The following TANC1 variants were observed in gnomAD, a reference collection of about 807,000 sequenced individuals.
The protein encoded by TANC1 is tetratricopeptide repeat, ankyrin repeat and coiled-coil containing 1.
A neutral mutation model predicts 149.7 loss-of-function variants in TANC1; 77 were observed. That is an observed-to-expected ratio of 0.51 (90% CI 0.43 to 0.62). The LOEUF (loss-of-function observed/expected upper bound fraction) is 0.62, where lower values mean the gene tolerates loss of function less well. Ranked by LOEUF, TANC1 falls within the 20% of genes least tolerant of loss-of-function variation. The pLI is 0.00. For synonymous variants in TANC1, 854 were observed against 925.0 expected (o/e 0.92, Z 1.39); for missense variants, 1,985 against 2,321.8 (o/e 0.85, Z 2.98).
At position 159,108,471 on chromosome 2, in the gene TANC1, T is replaced by C. The variant is rs186665851; in HGVS notation, c.259+10637T>C. On this transcript the variant is annotated intron_variant, in intron 4 of 26. Transcript: ENST00000263635. ...ACAAACCCAGTACCATGCTCAGAAA[T>C]GAATGTTTTCACCTCAGAGAAAATA... 2.0e-3 allele frequency among the ~76,000 whole-genome samples: 306 copies of C among 152,274 alleles called. 1 individual carries two copies. The highest frequency in any genetic ancestry group is 6.9e-3 in the African/African-American group (285 of 41,552).
At chr2:159,025,147 T>C (rs1204052524) in intron 2 of TANC1, among the ~76,000 whole-genome samples, 1 of 151,792 alleles carries the variant, frequency 6.6e-6, no homozygotes, top group East Asian at 1.9e-4. Context: ...TCTTTTTCTT[T>C]CTTTCTCTTT....
At chr2:159,207,719 A>C (rs908157355) in intron 19 of TANC1, among the ~76,000 whole-genome samples, 2 of 149,604 alleles carry the variant, frequency 1.3e-5, no homozygotes, top group Non-Finnish European at 3.0e-5. Context: ...AAAAAAAAAA[A>C]AAAAAAAACA....
At chr2:158,972,020 C>T (rs547546665) in intron 1 of TANC1, among the ~76,000 whole-genome samples, 9 of 152,092 alleles carry the variant, frequency 5.9e-5, no homozygotes, top group Non-Finnish European at 1.3e-4. Flanking sequence ...TTTCAGAACC[C>T]CAGGGTTAAC....
intron 19 of TANC1, among the ~76,000 whole-genome samples, chr2:159,208,811 A>C (rs181567115): frequency 1.3e-5 from 2 of 152,214 alleles, no homozygotes; most frequent in African/African-American, 4.8e-5. Context: ...TGAGAGATGC[A>C]TCCTTAGGCG....
At position 158,983,468 on chromosome 2, in the gene TANC1, C is replaced by CAAAAAAAAAAAAAAAA. The variant is rs35472970; in HGVS notation, c.-126+14690_-126+14705dup. On this transcript the variant is annotated intron_variant, in intron 1 of 26. Transcript: ENST00000263635. ...GGAGACAGAGCAAGACTCCGTCTCC[C>CAAAAAAAAAAAAAAAA]AAAAAAAAAAAAAAAAAAACACCAA... 1.6e-3 allele frequency among the ~76,000 whole-genome samples: 146 copies of CAAAAAAAAAAAAAAAA among 88,754 alleles called. 3 individuals carry two copies. Among genetic ancestry groups the CAAAAAAAAAAAAAAAA allele is most frequent in the Admixed American group, 9.9e-3 (72 of 7,244 alleles). The allele number at this position is 88,754 out of a possible 152,430, so 58.2% of individuals were successfully genotyped here.
intron 3 of TANC1, among the ~76,000 whole-genome samples, chr2:159,093,244 G>A (rs1225555913): frequency 1.3e-5 from 2 of 152,208 alleles, no homozygotes; most frequent in African/African-American, 4.8e-5. Context: ...TAATCAAGGT[G>A]GGGAATAAAA....
chr2:159,172,167 G>C lies in TANC1; in HGVS notation c.1398G>C (p.Pro466=), dbSNP rs201430733. 9.9e-6 allele frequency: 16 copies of C among 1,614,134 alleles called. No individual in the cohort carries two copies. In the African/African-American group the frequency reaches 2.0e-4, roughly 20 times the overall value. Residue 466 remains proline (P), a synonymous_variant, in exon 11 of 27, where the codon CCG becomes CCC. Transcript: ENST00000263635. ...TTCATTTCACTCCGTTGCTTTCACC[G>C]AGTTCTTCCACAAGTGCTTCCAGCA... ...QDLHFTPLLS[P]SSSTSASSTA...
intron 2 of TANC1, among the ~76,000 whole-genome samples, chr2:159,033,772 A>G (rs2039967873): frequency 6.6e-6 from 1 of 152,192 alleles, no homozygotes; most frequent in Non-Finnish European, 1.5e-5. Flanking sequence ...CCTCTGTCAC[A>G]TCTGAAAACA....
chr2:158,997,953 A>T (rs946531346), intron 1 of TANC1, among the ~76,000 whole-genome samples: 6 of 152,202 alleles, frequency 3.9e-5, no homozygotes, highest in Admixed American at 3.9e-4. Flanking sequence ...ACCTGCCAGC[A>T]CTACCTTGAC....
chr2:158,973,945 C>T (rs961941007), intron 1 of TANC1, among the ~76,000 whole-genome samples: 1 of 152,146 alleles, frequency 6.6e-6, no homozygotes, highest in Non-Finnish European at 1.5e-5. Context: ...TTACACTCCC[C>T]TCTCTCTGCC....
chr2:159,119,923 G>A (rs1446431228), intron 4 of TANC1, among the ~76,000 whole-genome samples: 1 of 152,216 alleles, frequency 6.6e-6, no homozygotes, highest in Non-Finnish European at 1.5e-5. Flanking sequence ...GCTTGCCAGT[G>A]TGAGCTCATC....
intron 4 of TANC1, among the ~76,000 whole-genome samples, chr2:159,122,768 T>TC (rs1031956076): frequency 9.0e-5 from 6 of 66,650 alleles, no homozygotes; most frequent in Admixed American, 4.8e-4. Context: ...TTTTTCTTCT[T>TC]TTTTTTTTTT....
intron 3 of TANC1, among the ~76,000 whole-genome samples, chr2:159,071,040 G>A (rs2043114284): frequency 6.6e-6 from 1 of 152,132 alleles, no homozygotes; most frequent in Non-Finnish European, 1.5e-5. Context: ...TACTCTGGAA[G>A]CATTAGGTGG....
intron 2 of TANC1, among the ~76,000 whole-genome samples, chr2:159,004,673 C>A (rs553338235): frequency 1.3e-5 from 2 of 152,004 alleles, no homozygotes; most frequent in South Asian, 4.1e-4. Flanking sequence ...GAAAACAGTT[C>A]TATTTATCCT....
chr2:159,074,346 A>G (rs1268635910), intron 3 of TANC1, among the ~76,000 whole-genome samples: 2 of 152,096 alleles, frequency 1.3e-5, no homozygotes, highest in African/African-American at 4.8e-5. Context: ...GATGATCTTT[A>G]TGCCCTGGGA....
chr2:159,136,037 TGTGTGTGTGTGTGC>T (rs2050656311), intron 4 of TANC1, among the ~76,000 whole-genome samples, 143 bp from the exon 5 acceptor site: 5 of 76,176 alleles, frequency 6.6e-5, no homozygotes, highest in Non-Finnish European at 1.5e-4. Flanking sequence ...TGTGTGTGTG[TGTGTGTGTGTGTGC>T]GCGCGCGCGC....
intron 9 of TANC1, among the ~76,000 whole-genome samples, chr2:159,169,706 G>A (rs1423230733): frequency 6.6e-6 from 1 of 152,082 alleles, no homozygotes; most frequent in Non-Finnish European, 1.5e-5. Flanking sequence ...TCAATTCTTG[G>A]ACTAGGCCAG....
Position 159,136,287 on chromosome 2 carries a change from C to A in TANC1, c.353C>A (p.Pro118His). Residue 118 changes from proline (P) to histidine (H), a missense_variant, in exon 5 of 27, where the codon CCT becomes CAT. Pro to His is a moderately conservative substitution (Grantham distance 77). Coordinates refer to ENST00000263635, the MANE Select transcript of TANC1 (RefSeq NM_033394.3). ...PFREVAKPTE[P>H]DEHEAKADNE... The stretch of plus-strand genomic sequence containing the variant: ...AGAGAAGTAGCCAAGCCAACAGAGC[C>A]TGATGAGCATGGTAAGAATTTCAGT... 1 of 1,588,386 alleles carries A rather than the reference C, an allele frequency of 6.3e-7. No individual in the cohort carries two copies. The highest frequency in any genetic ancestry group is 8.6e-7 in the Non-Finnish European group (1 of 1,156,484).
chr2:159,008,792 A>G (rs2037476126), intron 2 of TANC1, among the ~76,000 whole-genome samples: 6 of 152,202 alleles, frequency 3.9e-5, no homozygotes, highest in Non-Finnish European at 1.5e-5. Context: ...TTAATTGAAT[A>G]CATCTTAGAG....
Sources: allele counts gnomAD v4.1 joint callset (sites outside exome capture counted in the v4.1 genomes callset), GRCh38; gene constraint gnomAD v4.1.1; transcripts MANE v1.5; gene names NCBI Gene and HGNC (gene_info 2026-07-23, HGNC 2026-07-21).